Variants in SH3D19 observed in about 807,000 individuals in gnomAD.
The protein encoded by SH3D19 is SH3 domain containing 19.
SH3D19 carries 58 observed loss-of-function variants against 112.1 expected under a neutral mutation model. That is an observed-to-expected ratio of 0.52 (90% CI 0.42 to 0.64). The LOEUF is 0.64. SH3D19 is among the 30% of genes least tolerant of loss of function. The pLI is 0.00. For synonymous variants in SH3D19, 391 were observed against 448.5 expected, an observed-to-expected ratio of 0.87 and a Z score of 1.62; for missense variants, 1,090 against 1,263.4, an observed-to-expected ratio of 0.86 and a Z score of 2.08.
intron 1 of SH3D19, among the ~76,000 whole-genome samples, chr4:151,273,023 C>A (rs539197261): frequency 6.6e-6 from 1 of 152,246 alleles, no homozygotes; most frequent in African/African-American, 2.4e-5. Context: ...ACCAACTAAA[C>A]CTATTTTGAT....
intron 1 of SH3D19, among the ~76,000 whole-genome samples, chr4:151,273,644 A>AT (rs1054804339): frequency 1.3e-5 from 2 of 151,348 alleles, no homozygotes; most frequent in African/African-American, 4.9e-5. Context: ...CAACCACAAA[A>AT]TCCTCAGAGG....
At chr4:151,236,491 T>C (rs1029700527) in intron 1 of SH3D19, among the ~76,000 whole-genome samples, 1 of 152,214 alleles carries the variant, frequency 6.6e-6, no homozygotes, top group Non-Finnish European at 1.5e-5. Flanking sequence ...TCTGTCTAGC[T>C]AAAGGATTGT....
At chr4:151,237,117 T>C (rs957410537) in intron 1 of SH3D19, among the ~76,000 whole-genome samples, 2 of 152,032 alleles carry the variant, frequency 1.3e-5, no homozygotes, top group African/African-American at 4.8e-5. Context: ...ACCGCGAAAG[T>C]CTGCAGCTTC....
chr4:151,256,882 A>G (rs1487458704), intron 1 of SH3D19, among the ~76,000 whole-genome samples: 1 of 151,652 alleles, frequency 6.6e-6, no homozygotes, highest in East Asian at 1.9e-4. Context: ...CTGGGATTAC[A>G]GGCATGTGCC....
intron 2 of SH3D19, among the ~76,000 whole-genome samples, chr4:151,208,364 A>C (rs1765409564): frequency 6.6e-6 from 1 of 152,106 alleles, no homozygotes; most frequent in Admixed American, 6.6e-5. Flanking sequence ...CCTGCAATAA[A>C]TCTTTATCTC....
intron 2 of SH3D19, among the ~76,000 whole-genome samples, chr4:151,218,709 C>T (rs1580226697): frequency 6.6e-6 from 1 of 151,936 alleles, no homozygotes; most frequent in African/African-American, 2.4e-5. Context: ...ATAATCAATA[C>T]CCTAATTTCA....
At chr4:151,160,210 C>CGGAG (rs778215529) in intron 8 of SH3D19, among the ~76,000 whole-genome samples, 364 of 152,010 alleles carry the variant, frequency 2.4e-3, no homozygotes, top group Non-Finnish European at 3.5e-3. Flanking sequence ...CCTCAGCTTC[C>CGGAG]GGAGTAGCTG....
chr4:151,311,208 G>A lies in SH3D19; in HGVS notation c.112+14033C>T, dbSNP rs183889440. ...AAGGAAATCCAGCCTGGGCAACACA[G>A]TGAGACTGCATCTCTACAAAAAATT... is the stretch of plus-strand genomic sequence containing the variant. On this transcript the variant is annotated intron_variant, in intron 1 of 19. Coordinates refer to ENST00000604030, the MANE Select transcript of SH3D19 (RefSeq NM_001378122.1). Among the ~76,000 whole-genome samples, 55 of 150,454 alleles carry A rather than the reference G, an allele frequency of 3.7e-4. No individual in the cohort carries two copies. In the East Asian group the frequency reaches 8.7e-3, roughly 24 times the overall value.
intron 1 of SH3D19, among the ~76,000 whole-genome samples, chr4:151,245,604 CTTTTG>C (rs1348292200): frequency 1.3e-5 from 2 of 151,962 alleles, no homozygotes; most frequent in East Asian, 1.9e-4. Flanking sequence ...TCTTCTGAGT[CTTTTG>C]TTTGTTTGTT....
chr4:151,292,683 C>T (rs1775424387), intron 1 of SH3D19, among the ~76,000 whole-genome samples: 1 of 152,174 alleles, frequency 6.6e-6, no homozygotes, highest in South Asian at 2.1e-4. Flanking sequence ...GGTATAATTC[C>T]ATTCATACTT....
At chr4:151,272,004 G>GT (rs1360137318) in intron 1 of SH3D19, among the ~76,000 whole-genome samples, 16 of 152,264 alleles carry the variant, frequency 1.1e-4, no homozygotes, top group Non-Finnish European at 5.9e-5. Flanking sequence ...GGAAGAAACT[G>GT]TAAGAGCTGT....
rs1194256583 is a variant in SH3D19 at position 151,255,302 on chromosome 4, T to A, written c.113-29216A>T. ...GTTGCCGGGCAGAGGGTCTCCTCAC[T>A]TCTCAGACGGGGCGGCCGGGCAGAG... On this transcript the variant is annotated intron_variant, in intron 1 of 19. Transcript: ENST00000604030. 5.5e-5 allele frequency among the ~76,000 whole-genome samples: 8 copies of A among 144,842 alleles called. No homozygotes were observed. The East Asian group carries it at 1.7e-3, about 31-fold the overall frequency.
chr4:151,285,523 T>C (rs1398479293), intron 1 of SH3D19, among the ~76,000 whole-genome samples: 1 of 152,138 alleles, frequency 6.6e-6, no homozygotes. Flanking sequence ...TGAATAAAAA[T>C]GAAGAAACAA....
At chr4:151,220,422 T>C (rs1767836560) in intron 2 of SH3D19, among the ~76,000 whole-genome samples, 1 of 152,196 alleles carries the variant, frequency 6.6e-6, no homozygotes, top group Non-Finnish European at 1.5e-5. Flanking sequence ...TGCCGCCTTC[T>C]TTTTTTGCTG....
chr4:151,127,972 T>C (rs546599652), intron 18 of SH3D19, among the ~76,000 whole-genome samples, 198 bp downstream of exon 18: 3 of 152,222 alleles, frequency 2.0e-5, no homozygotes, highest in Non-Finnish European at 2.9e-5. Context: ...GAATTAGCCA[T>C]TATTTAGTGA....
chr4:151,293,165 T>C (rs2150021014), intron 1 of SH3D19, among the ~76,000 whole-genome samples: 1 of 150,188 alleles, frequency 6.7e-6, no homozygotes, highest in African/African-American at 2.5e-5. Context: ...TGGAAATACA[T>C]TTAATAGAAA....
At chr4:151,155,181 T>C (rs1185908301) in intron 9 of SH3D19, among the ~76,000 whole-genome samples, 1 of 152,222 alleles carries the variant, frequency 6.6e-6, no homozygotes, top group Non-Finnish European at 1.5e-5. Flanking sequence ...TTTATAACCA[T>C]TTCAGAGTAG....
chr4:151,139,049 T>C (rs1579717682), intron 13 of SH3D19, among the ~76,000 whole-genome samples: 1 of 152,030 alleles, frequency 6.6e-6, no homozygotes. Flanking sequence ...TGGTCTGGAC[T>C]CCTGACCTCA....
At chr4:151,130,281 A>C (rs1381933158) in intron 17 of SH3D19, among the ~76,000 whole-genome samples, 1 of 152,050 alleles carries the variant, frequency 6.6e-6, no homozygotes, top group African/African-American at 2.4e-5. Flanking sequence ...GTCTACAAAA[A>C]ATACAAAAAT....
Sources: allele counts gnomAD v4.1 joint callset (sites outside exome capture counted in the v4.1 genomes callset), GRCh38; gene constraint gnomAD v4.1.1; transcripts MANE v1.5; gene names NCBI Gene and HGNC (gene_info 2026-07-23, HGNC 2026-07-21).